The following SLC11A2 variants were observed in gnomAD, a reference collection of about 807,000 sequenced individuals.
SLC11A2 encodes the protein solute carrier family 11 member 2, also known as natural resistance-associated macrophage protein 2.
In SLC11A2, 38 loss-of-function variants were observed where a neutral mutation model predicts 68.0. The ratio of observed to expected loss-of-function variants is 0.56; its 90% confidence interval spans 0.43 to 0.73. The LOEUF (loss-of-function observed/expected upper bound fraction) is 0.73, where lower values mean the gene tolerates loss of function less well. SLC11A2 is among the 30% of genes least tolerant of loss of function. The pLI, the probability that SLC11A2 is intolerant of heterozygous loss-of-function variation, is 0.00. For missense variants in SLC11A2, 517 were observed against 690.5 expected (o/e 0.75, Z 2.82); for synonymous variants, 242 against 250.6 (o/e 0.97, Z 0.32).
rs144020256 is a variant in SLC11A2 at position 51,013,485 on chromosome 12, A to T, written c.-38-2719T>A. On this transcript the variant is annotated intron_variant, in intron 1 of 15. Coordinates refer to ENST00000262052, the MANE Select transcript of SLC11A2 (RefSeq NM_000617.3). ...TTTGTATTTTTTTTTTTCAGTACAG[A>T]CAGGGTTTCATCATGTTGGCCAGGC... Among the ~76,000 whole-genome samples the T allele has an allele frequency of 3.3e-3, 501 of 151,312 alleles. 1 individual carries two copies. Among genetic ancestry groups the T allele is most frequent in the Middle Eastern group, 0.031 (9 of 294 alleles).
downstream of SLC11A2, among the ~76,000 whole-genome samples, chr12:50,982,440 A>G (rs1940112846): frequency 6.6e-6 from 1 of 152,120 alleles, no homozygotes; most frequent in Non-Finnish European, 1.5e-5. Context: ...CCTGGCCAAC[A>G]TGATGAAACT....
chr12:51,007,138 G>A (rs1942796330), intron 3 of SLC11A2, among the ~76,000 whole-genome samples: 1 of 152,062 alleles, frequency 6.6e-6, no homozygotes, highest in Non-Finnish European at 1.5e-5. Context: ...CTTTCCTGAT[G>A]GAACCAATGT....
At chr12:50,991,514 G>A in intron 14 of SLC11A2, 85 bp downstream of exon 14, 4 of 1,026,574 alleles carry the variant, frequency 3.9e-6, no homozygotes, top group South Asian at 2.7e-5. Context: ...TTCCCTCTGT[G>A]TCTCACGTCT....
chr12:50,981,882 G>A (rs568636565), downstream of SLC11A2: 17 of 764,206 alleles, frequency 2.2e-5, no homozygotes, highest in African/African-American at 1.4e-4. Context: ...CCTATAATTA[G>A]CACATCAATT....
chr12:50,991,525 G>T, intron 14 of SLC11A2, 74 bp downstream of exon 14: 1 of 1,148,366 alleles, frequency 8.7e-7, no homozygotes, highest in South Asian at 1.3e-5. Flanking sequence ...TCTCACGTCT[G>T]ACTGGCCTAC....
chr12:51,018,193 G>A (rs140768144), intron 1 of SLC11A2, among the ~76,000 whole-genome samples: 1 of 152,052 alleles, frequency 6.6e-6, no homozygotes, highest in Non-Finnish European at 1.5e-5. Context: ...TCAGGAGGTC[G>A]AGACCAGCCT....
the SLC11A2 span, among the ~76,000 whole-genome samples, chr12:50,967,266 T>C: frequency 1.3e-5 from 2 of 152,122 alleles, no homozygotes; most frequent in Non-Finnish European, 2.9e-5. Context: ...GCCTGCCTCA[T>C]TCCCACAGAG....
upstream of SLC11A2, among the ~76,000 whole-genome samples, chr12:51,027,919 G>GT (rs959950061): frequency 1.2e-4 from 2 of 16,446 alleles, no homozygotes; most frequent in African/African-American, 4.0e-4. Flanking sequence ...AAAAAAAGTG[G>GT]GGGGGGGGGG....
downstream of SLC11A2, among the ~76,000 whole-genome samples, chr12:50,977,773 C>G (rs1939868282): frequency 6.6e-6 from 1 of 152,160 alleles, no homozygotes; most frequent in Non-Finnish European, 1.5e-5. Context: ...TATCCAGAAT[C>G]TACAAAGAAC....
chr12:50,991,446 T>C (rs930163359), intron 14 of SLC11A2, 153 bp downstream of exon 14: 8 of 684,644 alleles, frequency 1.2e-5, no homozygotes, highest in Admixed American at 1.1e-4. Context: ...ATATTCACAG[T>C]TTCCATTCTC....
In SLC11A2 at chr12:51,010,721, A is replaced by G; in HGVS notation, c.8T>C (p.Leu3Pro). 1.2e-6 allele frequency: 2 copies of G among 1,605,126 alleles called. No homozygotes were observed. The highest frequency in any genetic ancestry group is 1.7e-6 in the Non-Finnish European group (2 of 1,171,770). The change falls in exon 2 of 16, where the codon CTG becomes CCG. Residue 3 changes from leucine (L) to proline (P), a missense_variant. Coordinates refer to ENST00000262052, the MANE Select transcript of SLC11A2 (RefSeq NM_000617.3). MV[L>P]GPEQKMSDDS... The stretch of plus-strand genomic sequence containing the variant: ...ATCTGACATCTTCTGTTCAGGACCC[A>G]GCACCATGGTGGATACCTGAGTGGC...
intron 1 of SLC11A2, chr12:51,025,774 C>G: frequency 1.0e-6 from 1 of 985,980 alleles, no homozygotes; most frequent in Non-Finnish European, 1.2e-6. Context: ...AATCTACCCA[C>G]AATTACTGAG....
rs200490833 is a variant in SLC11A2 at position 50,992,148 on chromosome 12, T to C, written c.1347+42A>G. The C allele has an allele frequency of 3.4e-5, 55 of 1,608,730 alleles. No homozygotes were observed. The East Asian group carries it at 1.1e-3, about 32-fold the overall frequency. ...GGTACCCAAGGGCAGTACATAATGC[T>C]ACCTGAATAACTAGGATGTGTTTCC... On this transcript the variant is annotated intron_variant, in intron 13 of 15. Coordinates refer to ENST00000262052, the MANE Select transcript of SLC11A2 (RefSeq NM_000617.3).
downstream of SLC11A2, chr12:50,981,486 T>C (rs1332619596): frequency 1.4e-5 from 6 of 425,050 alleles, no homozygotes; most frequent in East Asian, 2.8e-4. Flanking sequence ...CATAGGGGTG[T>C]GTGGCCATCA....
chr12:51,006,884 T>C (rs1187223891), intron 3 of SLC11A2, among the ~76,000 whole-genome samples: 11 of 152,070 alleles, frequency 7.2e-5, no homozygotes, highest in Non-Finnish European at 2.9e-5. Context: ...ACCACAGGTG[T>C]GCACCACCAC....
rs369167347 is a variant in SLC11A2 at position 50,991,539 on chromosome 12, A to G, written c.1421+60T>C. 9 of 1,349,266 alleles carry G rather than the reference A, an allele frequency of 6.7e-6. No individual in the cohort carries two copies. The African/African-American group carries it at 8.6e-5, about 13-fold the overall frequency. The allele number at this position is 1,349,266 out of a possible 1,614,324, so 83.6% of individuals were successfully genotyped here. The stretch of plus-strand genomic sequence containing the variant: ...GTCTCACGTCTGACTGGCCTACTGC[A>G]TGAAGATACCCTTTCCCCATATCAG... On this transcript the variant is annotated intron_variant, in intron 14 of 15. Coordinates refer to ENST00000262052, the MANE Select transcript of SLC11A2 (RefSeq NM_000617.3).
chr12:51,019,946 A>T lies in SLC11A2; in HGVS notation c.-39+6364T>A, dbSNP rs191041633. ...AGGTATGAGCTACCATGCCCAGCCC[A>T]ATTAGTTCTAAAACTCAATCTGCTC... On this transcript the variant is annotated intron_variant, in intron 1 of 15. Transcript: ENST00000262052. 4.3e-3 allele frequency among the ~76,000 whole-genome samples: 648 copies of T among 152,222 alleles called. 1 individual carries two copies. The highest frequency in any genetic ancestry group is 7.1e-3 in the Non-Finnish European group (483 of 67,992).
chr12:51,016,975 T>C (rs1403455057), intron 1 of SLC11A2, among the ~76,000 whole-genome samples: 2 of 151,768 alleles, frequency 1.3e-5, no homozygotes, highest in Non-Finnish European at 2.9e-5. Flanking sequence ...ATCAGGCCAC[T>C]GCATTCCAGC....
chr12:50,994,881 G>T (rs907226651), intron 10 of SLC11A2: 15 of 480,540 alleles, frequency 3.1e-5, no homozygotes, highest in African/African-American at 1.8e-4. Context: ...ACAAACGCTG[G>T]GGTACTTTAA....
Sources: gnomAD v4.1 joint callset for allele counts (sites outside exome capture counted in the v4.1 genomes callset) on GRCh38, gnomAD v4.1.1 for gene constraint, MANE v1.5 for transcripts, NCBI Gene and HGNC (gene_info 2026-07-23, HGNC 2026-07-21) for gene names.